The following PRKAR2A variants were observed in gnomAD, a reference collection of about 807,000 sequenced individuals.
The protein encoded by PRKAR2A is cAMP-dependent protein kinase type II-alpha regulatory subunit.
In PRKAR2A, 29 loss-of-function variants were observed where a neutral mutation model predicts 51.9. The ratio of observed to expected loss-of-function variants is 0.56; its 90% CI spans 0.42 to 0.76. The LOEUF (loss-of-function observed/expected upper bound fraction) is 0.76, where lower values mean the gene tolerates loss of function less well. Among genes scored for constraint, PRKAR2A ranks in the 30% least tolerant of loss-of-function variants. PRKAR2A has a pLI of 0.00. For synonymous variants in PRKAR2A, 178 were observed against 186.2 expected (o/e 0.96, Z 0.36); for missense variants, 445 against 512.1 (o/e 0.87, Z 1.26).
rs117540593 is a variant in PRKAR2A at position 48,846,770 on chromosome 3, G to C, written c.262+565C>G. ...AATACAAACTCAAGTAAGCAGAGGT[G>C]AAATGACCTGAGAGATTTGCTTTAA... On this transcript the variant is annotated intron_variant, in intron 1 of 10. Transcript: ENST00000265563. 1.3e-3 allele frequency among the ~76,000 whole-genome samples: 196 copies of C among 152,288 alleles called. 6 individuals carry two copies. The East Asian group carries it at 0.036, about 28-fold the overall frequency.
intron 1 of PRKAR2A, among the ~76,000 whole-genome samples, chr3:48,830,876 T>G (rs2083175965): frequency 6.6e-6 from 1 of 152,130 alleles, no homozygotes; most frequent in Admixed American, 6.6e-5. Flanking sequence ...ATCCCTGGCA[T>G]GCACACTGTT....
chr3:48,756,047 T>C (rs2081758510), intron 9 of PRKAR2A, among the ~76,000 whole-genome samples: 1 of 152,038 alleles, frequency 6.6e-6, no homozygotes, highest in African/African-American at 2.4e-5. Flanking sequence ...CCCAAAGTGC[T>C]GGGATTACAG....
At chr3:48,846,244 T>C (rs1282792235) in intron 1 of PRKAR2A, among the ~76,000 whole-genome samples, 5 of 150,096 alleles carry the variant, frequency 3.3e-5, no homozygotes, top group Admixed American at 6.7e-5. Flanking sequence ...TGAGACGGAG[T>C]TCGCTCTGTC....
At chr3:48,820,916 C>A (rs2107402190) in intron 1 of PRKAR2A, among the ~76,000 whole-genome samples, 1 of 152,282 alleles carries the variant, frequency 6.6e-6, no homozygotes, top group Non-Finnish European at 1.5e-5. Context: ...ACTCCAACTC[C>A]CTGAGTTGGA....
At chr3:48,813,212 T>C (rs985277300) in intron 1 of PRKAR2A, among the ~76,000 whole-genome samples, 1 of 119,316 alleles carries the variant, frequency 8.4e-6, no homozygotes, top group African/African-American at 3.3e-5. Context: ...CTGGGCAAGG[T>C]GGCAAGACCC....
intron 8 of PRKAR2A, among the ~76,000 whole-genome samples, chr3:48,756,775 G>A (rs1183214260): frequency 6.6e-6 from 1 of 152,186 alleles, no homozygotes; most frequent in Non-Finnish European, 1.5e-5. Context: ...ATCAGATAAC[G>A]CATTATTACT....
At chr3:48,753,141 G>A (rs1202262047) in intron 9 of PRKAR2A, among the ~76,000 whole-genome samples, 1 of 151,132 alleles carries the variant, frequency 6.6e-6, no homozygotes. Context: ...CACCATGTTC[G>A]CCAGTATAGT....
At chr3:48,836,349 G>A (rs1045552555) in intron 1 of PRKAR2A, among the ~76,000 whole-genome samples, 6 of 147,200 alleles carry the variant, frequency 4.1e-5, no homozygotes, top group African/African-American at 1.5e-4. Context: ...AACCCAGGAG[G>A]CGGAGGTTGC....
intron 2 of PRKAR2A, among the ~76,000 whole-genome samples, chr3:48,794,507 C>A (rs2082457329): frequency 6.6e-6 from 1 of 151,890 alleles, no homozygotes; most frequent in African/African-American, 2.4e-5. Context: ...CCATCCTGGT[C>A]AACATGGTGA....
chr3:48,839,921 T>G (rs991526685), intron 1 of PRKAR2A, among the ~76,000 whole-genome samples: 1 of 152,190 alleles, frequency 6.6e-6, no homozygotes, highest in Non-Finnish European at 1.5e-5. Flanking sequence ...CAATTCAGTG[T>G]CATTAAGTAC....
chr3:48,846,650 C>A (rs555159128), intron 1 of PRKAR2A, among the ~76,000 whole-genome samples: 5 of 152,358 alleles, frequency 3.3e-5, no homozygotes, highest in African/African-American at 1.2e-4. Flanking sequence ...ACTGCCCCGG[C>A]CGGCAAGATA....
intron 5 of PRKAR2A, among the ~76,000 whole-genome samples, chr3:48,775,751 C>A (rs941160152): frequency 6.6e-6 from 1 of 152,006 alleles, no homozygotes; most frequent in African/African-American, 2.4e-5. Context: ...TAAGTAATTT[C>A]ATCTGCTAAT....
chr3:48,791,245 C>T lies in PRKAR2A; in HGVS notation c.352-618G>A, dbSNP rs1255975937. Among the ~76,000 whole-genome samples, 5 of 139,684 alleles carry T rather than the reference C, an allele frequency of 3.6e-5. No homozygotes were observed. The East Asian group carries it at 1.0e-3, about 29-fold the overall frequency. The allele number at this position is 139,684 out of a possible 152,430, so 91.6% of individuals were successfully genotyped here. ...GAGGTTGCAGTGAGCCAAGATTGTG[C>T]CACTGCAGTCCAGCCTAGCGACAGA... On this transcript the variant is annotated intron_variant, in intron 3 of 10. Transcript: ENST00000265563.
intron 1 of PRKAR2A, among the ~76,000 whole-genome samples, chr3:48,833,932 G>A (rs540924749): frequency 4.0e-5 from 6 of 151,130 alleles, no homozygotes; most frequent in Admixed American, 2.0e-4. Context: ...AGCTACTTGG[G>A]AGGCTGAGAC....
intron 4 of PRKAR2A, among the ~76,000 whole-genome samples, chr3:48,785,035 T>C (rs1033120238): frequency 6.6e-5 from 10 of 151,928 alleles, no homozygotes; most frequent in African/African-American, 2.4e-4. Flanking sequence ...TTTTATATTA[T>C]ACCAACATTA....
rs2081621035 is a variant in PRKAR2A at position 48,750,004 on chromosome 3, TC to T, written c.*1580del. Reference sequence around the variant, plus strand: ...TGACCTCCTGGGCTCAAGTGATCCTTCCACCTCAGCCTCCTAAGTATTTGGG... The same window carrying T: ...TGACCTCCTGGGCTCAAGTGATCCTTCACCTCAGCCTCCTAAGTATTTGGG... On this transcript the variant is annotated 3_prime_UTR_variant, in exon 11 of 11. Coordinates refer to ENST00000265563, the MANE Select transcript of PRKAR2A (RefSeq NM_004157.4). 1 of 151,924 alleles carries T rather than the reference TC, an allele frequency of 6.6e-6. No homozygotes were observed. Among genetic ancestry groups the T allele is most frequent in the Non-Finnish European group, 1.5e-5 (1 of 68,010 alleles). 9.4% of individuals were successfully genotyped at this position (151,924 alleles called of 1,614,324 possible).
chr3:48,807,718 T>C (rs879377358), intron 1 of PRKAR2A, 34 bp from the exon 2 acceptor site: 1 of 1,584,516 alleles, frequency 6.3e-7, no homozygotes, highest in Non-Finnish European at 8.7e-7. Context: ...TAGTCATTAT[T>C]ATGTCACCAG....
intron 6 of PRKAR2A, among the ~76,000 whole-genome samples, chr3:48,770,931 G>A (rs1172019000): frequency 1.3e-5 from 2 of 152,290 alleles, no homozygotes; most frequent in South Asian, 4.1e-4. Context: ...GATTATCCAA[G>A]AATGGGTTAT....
intron 4 of PRKAR2A, among the ~76,000 whole-genome samples, chr3:48,786,118 GTTTT>G (rs764615947): frequency 1.6e-3 from 236 of 146,084 alleles, no homozygotes; most frequent in Admixed American, 3.9e-3. Context: ...CAGTTTTTTG[GTTTT>G]TTTTTGTTTT....
Sources: gnomAD v4.1 joint callset for allele counts (sites outside exome capture counted in the v4.1 genomes callset) on GRCh38, gnomAD v4.1.1 for gene constraint, MANE v1.5 for transcripts, NCBI Gene and HGNC (gene_info 2026-07-23, HGNC 2026-07-21) for gene names.